The following SSBP2 variants were observed in gnomAD, a reference collection of about 807,000 sequenced individuals.
The protein encoded by SSBP2 is single stranded DNA binding protein 2.
In SSBP2, 17 loss-of-function variants were observed where a neutral mutation model predicts 61.8. The observed-to-expected ratio is 0.28, with a 90% CI of 0.19 to 0.41. The LOEUF (loss-of-function observed/expected upper bound fraction) is 0.41. Ranked by LOEUF, SSBP2 falls within the 10% of genes least tolerant of loss-of-function variation. The pLI is 1.00. For synonymous variants in SSBP2, 139 were observed against 141.3 expected (o/e 0.98, Z 0.12); for missense variants, 310 against 458.7 (o/e 0.68, Z 2.96).
rs755462108 is a variant in SSBP2 at position 81,420,531 on chromosome 5, G to A, written c.1059C>T (p.Tyr353=). ...ACACGCTCATTGTCATGCTAGGGGA[G>A]TACTAGAAGGAAAGAAGAATCCATA... is the stretch of plus-strand genomic sequence containing the variant. Residue 353 remains tyrosine (Y), a splice_region_variant and synonymous_variant, in exon 17 of 17, where the codon TAC becomes TAT. Transcript: ENST00000320672. The A allele has an allele frequency of 6.2e-7, 1 of 1,613,296 alleles. No homozygotes were observed. Among genetic ancestry groups the A allele is most frequent in the Non-Finnish European group, 8.5e-7 (1 of 1,179,320 alleles).
chr5:81,633,447 T>C (rs1004585590), intron 3 of SSBP2, among the ~76,000 whole-genome samples: 2 of 152,134 alleles, frequency 1.3e-5, no homozygotes, highest in Admixed American at 6.5e-5. Flanking sequence ...CTCTTCTTCC[T>C]CCTCATTCCT....
At chr5:81,751,155 C>A, upstream of SSBP2, 2 of 1,127,760 alleles carry the variant, frequency 1.8e-6, no homozygotes, top group Non-Finnish European at 2.6e-6. Context: ...TATTGGCCGC[C>A]CCACGCCAAA....
intron 3 of SSBP2, among the ~76,000 whole-genome samples, chr5:81,635,512 C>T (rs1254260935): frequency 6.6e-6 from 1 of 151,990 alleles, no homozygotes; most frequent in Non-Finnish European, 1.5e-5. Flanking sequence ...TAATGGCATG[C>T]CAACGCTTAT....
intron 1 of SSBP2, among the ~76,000 whole-genome samples, chr5:81,677,635 C>T (rs1433420848): frequency 1.3e-5 from 2 of 152,072 alleles, no homozygotes; most frequent in African/African-American, 4.8e-5. Flanking sequence ...TACCCTAATG[C>T]CTCTATCAAG....
chr5:81,560,183 G>C (rs1341624844), intron 4 of SSBP2, among the ~76,000 whole-genome samples: 2 of 152,154 alleles, frequency 1.3e-5, no homozygotes, highest in African/African-American at 2.4e-5. Context: ...AAAGAGTCAT[G>C]CTGCTAGATT....
At chr5:81,587,620 C>T (rs1490784726) in intron 4 of SSBP2, among the ~76,000 whole-genome samples, 1 of 152,114 alleles carries the variant, frequency 6.6e-6, no homozygotes, top group Non-Finnish European at 1.5e-5. Context: ...ATCCCAGCTA[C>T]TCGGGAGGCT....
intron 9 of SSBP2, among the ~76,000 whole-genome samples, chr5:81,463,229 G>C (rs1764660960): frequency 6.6e-6 from 1 of 152,044 alleles, no homozygotes; most frequent in African/African-American, 2.4e-5. Context: ...AAAAAGTGAG[G>C]GTTATAGTAG....
chr5:81,600,013 C>G (rs998649674), intron 4 of SSBP2, among the ~76,000 whole-genome samples: 3 of 152,138 alleles, frequency 2.0e-5, no homozygotes, highest in Non-Finnish European at 2.9e-5. Flanking sequence ...TTATTTCTGT[C>G]TCTTTGACAC....
At chr5:81,427,618 C>T (rs1456801002) in intron 16 of SSBP2, among the ~76,000 whole-genome samples, 2 of 152,138 alleles carry the variant, frequency 1.3e-5, no homozygotes, top group African/African-American at 4.8e-5. Flanking sequence ...CTGAGTTGGG[C>T]AAAATGAGGG....
chr5:81,611,349 GC>G (rs1290231260), intron 4 of SSBP2, among the ~76,000 whole-genome samples: 1 of 151,990 alleles, frequency 6.6e-6, no homozygotes, highest in African/African-American at 2.4e-5. Context: ...TTTCCAAGTT[GC>G]CAAAATACAA....
chr5:81,472,313 C>T (rs1561440572), intron 8 of SSBP2, among the ~76,000 whole-genome samples: 1 of 152,166 alleles, frequency 6.6e-6, no homozygotes, highest in Admixed American at 6.6e-5. Flanking sequence ...TATCCTGGAA[C>T]AGCACTCTTA....
At chr5:81,735,703 A>G (rs1456081862) in intron 1 of SSBP2, among the ~76,000 whole-genome samples, 2 of 152,266 alleles carry the variant, frequency 1.3e-5, no homozygotes, top group Non-Finnish European at 2.9e-5. Context: ...TTTTTAAATA[A>G]TAAGATAATT....
At chr5:81,461,646 T>G (rs1432576547) in intron 9 of SSBP2, among the ~76,000 whole-genome samples, 1 of 152,140 alleles carries the variant, frequency 6.6e-6, no homozygotes, top group Non-Finnish European at 1.5e-5. Context: ...AATCTATCTT[T>G]CAATGCTACT....
intron 1 of SSBP2, among the ~76,000 whole-genome samples, chr5:81,671,182 T>C (rs193216565): frequency 1.3e-5 from 2 of 152,284 alleles, no homozygotes; most frequent in East Asian, 3.9e-4. Context: ...ATCTTTTCCC[T>C]CTGATTTTAG....
intron 6 of SSBP2, among the ~76,000 whole-genome samples, chr5:81,486,203 TTTA>T (rs1766368368): frequency 6.6e-6 from 1 of 152,118 alleles, no homozygotes; most frequent in South Asian, 2.1e-4. Context: ...ATAAAAACTT[TTTA>T]TTATCTTTAA....
Position 81,670,511 on chromosome 5 carries a change from T to C in SSBP2, c.63-20172A>G, listed in dbSNP as rs959437706. On this transcript the variant is annotated intron_variant, in intron 1 of 16. Transcript: ENST00000320672. ...TTTCCTCAAGTACAGATGAACAAGT[T>C]TACTGTAACAATAAGTTATGTCAAC... is the stretch of plus-strand genomic sequence containing the variant. 3.3e-5 allele frequency among the ~76,000 whole-genome samples: 5 copies of C among 152,114 alleles called. No individual in the cohort carries two copies. The South Asian group carries it at 1.0e-3, about 32-fold the overall frequency.
intron 4 of SSBP2, among the ~76,000 whole-genome samples, chr5:81,529,112 T>G (rs552240447): frequency 6.6e-6 from 1 of 152,178 alleles, no homozygotes; most frequent in African/African-American, 2.4e-5. Context: ...TATTTCTAAG[T>G]TTTTGGTAGT....
intron 1 of SSBP2, among the ~76,000 whole-genome samples, chr5:81,708,815 T>C (rs1464011481): frequency 3.9e-5 from 6 of 151,962 alleles, no homozygotes; most frequent in Non-Finnish European, 7.4e-5. Flanking sequence ...TAAGGTACTA[T>C]AAATACAGAA....
At chr5:81,614,216 T>C (rs1233835324) in intron 4 of SSBP2, among the ~76,000 whole-genome samples, 1 of 151,950 alleles carries the variant, frequency 6.6e-6, no homozygotes, top group Non-Finnish European at 1.5e-5. Context: ...AAAAATTAGC[T>C]GGGCGTGTTG....
Sources: gnomAD v4.1 joint callset for allele counts (sites outside exome capture counted in the v4.1 genomes callset) on GRCh38, gnomAD v4.1.1 for gene constraint, MANE v1.5 for transcripts, NCBI Gene and HGNC (gene_info 2026-07-23, HGNC 2026-07-21) for gene names.